Variants in SCHIP1 observed in about 807,000 individuals in gnomAD.
SCHIP1 encodes the protein schwannomin-interacting protein 1.
In SCHIP1, 8 loss-of-function variants were observed where a neutral mutation model predicts 29.7. The observed-to-expected ratio is 0.27, with a 90% CI of 0.16 to 0.49. The LOEUF is 0.49. Ranked by LOEUF, SCHIP1 falls within the 20% of genes least tolerant of loss-of-function variation. The pLI, the probability that SCHIP1 is intolerant of heterozygous loss-of-function variation, is 0.99. For synonymous variants in SCHIP1, 76 were observed against 94.9 expected (o/e 0.80, Z 1.16); for missense variants, 193 against 294.6 (o/e 0.66, Z 2.52).
At chr3:159,658,914 T>C in the SCHIP1 span, among the ~76,000 whole-genome samples, 1 of 152,234 alleles carries the variant, frequency 6.6e-6, no homozygotes, top group African/African-American at 2.4e-5. Flanking sequence ...TTCTCAACTC[T>C]TATGCCCCAC....
At chr3:159,572,603 G>A in the SCHIP1 span, among the ~76,000 whole-genome samples, 1 of 152,182 alleles carries the variant, frequency 6.6e-6, no homozygotes, top group Non-Finnish European at 1.5e-5. Context: ...GTTTATTTGG[G>A]ATGGAGAGTT....
the SCHIP1 span, among the ~76,000 whole-genome samples, chr3:159,732,755 A>G: frequency 6.6e-6 from 1 of 152,228 alleles, no homozygotes; most frequent in Non-Finnish European, 1.5e-5. Context: ...CTTGAGCTAT[A>G]TAACCTGGTG....
the SCHIP1 span, among the ~76,000 whole-genome samples, chr3:159,566,895 T>C: frequency 6.6e-6 from 1 of 152,236 alleles, no homozygotes; most frequent in Admixed American, 6.5e-5. Context: ...ATCTGCAGTT[T>C]TGCTAGATAT....
the SCHIP1 span, among the ~76,000 whole-genome samples, chr3:159,635,996 G>A: frequency 6.6e-6 from 1 of 151,360 alleles, no homozygotes; most frequent in Non-Finnish European, 1.5e-5. Flanking sequence ...TTTTTCTTTT[G>A]AAAAAAAATG....
chr3:159,828,388 C>CTATATATATATGTATATATGT, the SCHIP1 span, among the ~76,000 whole-genome samples: 1 of 65,328 alleles, frequency 1.5e-5, no homozygotes, highest in African/African-American at 4.6e-5. Flanking sequence ...TATATATATA[C>CTATATATATATGTATATATGT]ATATATACGT....
At chr3:159,380,253 C>T in the SCHIP1 span, among the ~76,000 whole-genome samples, 3 of 152,170 alleles carry the variant, frequency 2.0e-5, no homozygotes, top group East Asian at 5.8e-4. Context: ...CATCGATGGG[C>T]ATTGGGTTGT....
At chr3:159,884,156 CTG>C (rs1379929315) in intron 2 of SCHIP1, among the ~76,000 whole-genome samples, 3 of 152,050 alleles carry the variant, frequency 2.0e-5, no homozygotes, top group African/African-American at 7.2e-5. Flanking sequence ...TAAAATGTGT[CTG>C]TTTTTAATTT....
At chr3:159,760,793 C>T in the SCHIP1 span, among the ~76,000 whole-genome samples, 1 of 152,162 alleles carries the variant, frequency 6.6e-6, no homozygotes, top group East Asian at 1.9e-4. Flanking sequence ...TATGATTTTA[C>T]AAAATAAGAG....
the SCHIP1 span, among the ~76,000 whole-genome samples, chr3:159,577,146 T>G: frequency 0.023 from 3,433 of 152,292 alleles, 120 homozygotes; most frequent in East Asian, 0.18. Flanking sequence ...AGTCAGGAAC[T>G]TGCTCTTCCC....
At chr3:159,383,166 A>T in the SCHIP1 span, among the ~76,000 whole-genome samples, 1,836 of 149,844 alleles carry the variant, frequency 0.012, 22 homozygotes, top group Non-Finnish European at 0.017. Context: ...GGTGTTTTAG[A>T]CATGAAGTCC....
chr3:159,327,784 G>A, the SCHIP1 span, among the ~76,000 whole-genome samples: 5 of 152,274 alleles, frequency 3.3e-5, no homozygotes, highest in South Asian at 1.0e-3. Flanking sequence ...AGCCTTTGTA[G>A]AAATGAGAGG....
chr3:159,273,428 T>A, the SCHIP1 span: 2 of 1,018,550 alleles, frequency 2.0e-6, no homozygotes, highest in South Asian at 8.1e-5. Context: ...TAGCATGAAG[T>A]GAATCGGCTG....
At chr3:159,887,575 A>C in intron 3 of SCHIP1, 133 bp from the exon 5 acceptor site, 2 of 930,826 alleles carry the variant, frequency 2.1e-6, no homozygotes, top group Non-Finnish European at 3.3e-6. Context: ...TATCAACTCA[A>C]GTAGCAAGTC....
At chr3:159,675,051 T>C in the SCHIP1 span, among the ~76,000 whole-genome samples, 8 of 152,302 alleles carry the variant, frequency 5.3e-5, no homozygotes, top group South Asian at 1.7e-3. Flanking sequence ...CGGTTTTCTG[T>C]GCTTCAGAGT....
the SCHIP1 span, among the ~76,000 whole-genome samples, chr3:159,507,402 T>G: frequency 2.0e-5 from 3 of 152,220 alleles, no homozygotes; most frequent in South Asian, 6.2e-4. Context: ...TACAATCATG[T>G]CATCTGCAAA....
the SCHIP1 span, among the ~76,000 whole-genome samples, chr3:159,732,169 G>T: frequency 6.6e-6 from 1 of 152,200 alleles, no homozygotes; most frequent in African/African-American, 2.4e-5. Flanking sequence ...TTATTAAATT[G>T]CCTACTATGT....
the SCHIP1 span, among the ~76,000 whole-genome samples, chr3:159,729,184 A>G: frequency 6.6e-6 from 1 of 152,010 alleles, no homozygotes; most frequent in Admixed American, 6.6e-5. Flanking sequence ...AAAGAAAAGA[A>G]AGAAAATAGA....
chr3:159,787,953 G>A, the SCHIP1 span, among the ~76,000 whole-genome samples: 1 of 152,050 alleles, frequency 6.6e-6, no homozygotes, highest in Non-Finnish European at 1.5e-5. Context: ...TTTATGTAGG[G>A]GAATGATGAA....
chr3:159,696,254 C>A, the SCHIP1 span, among the ~76,000 whole-genome samples: 2 of 152,152 alleles, frequency 1.3e-5, no homozygotes, highest in Non-Finnish European at 2.9e-5. Context: ...CCTGTGTCAC[C>A]CATACAGGAC....
Sources: allele counts gnomAD v4.1 joint callset (sites outside exome capture counted in the v4.1 genomes callset), GRCh38; gene constraint gnomAD v4.1.1; transcripts MANE v1.5; gene names NCBI Gene and HGNC (gene_info 2026-07-23, HGNC 2026-07-21).